The following GRIP1 variants were observed in gnomAD, a reference collection of about 807,000 sequenced individuals.
GRIP1 encodes the protein glutamate receptor-interacting protein 1.
A neutral mutation model predicts 129.9 loss-of-function variants in GRIP1; 45 were observed. That is an observed-to-expected ratio of 0.35 (90% CI 0.27 to 0.44). The LOEUF is 0.44. Among genes scored for constraint, GRIP1 ranks in the 20% least tolerant of loss-of-function variants. The pLI, the probability that GRIP1 is intolerant of heterozygous loss-of-function variation, is 1.00. For missense variants in GRIP1, 1,196 were observed against 1,396.8 expected (o/e 0.86, Z 2.29); for synonymous variants, 530 against 520.8 (o/e 1.02, Z -0.24).
chr12:67,054,173 C>A lies in GRIP1; in HGVS notation c.58+14877G>T, dbSNP rs183032888. 9.1e-4 allele frequency among the ~76,000 whole-genome samples: 139 copies of A among 152,272 alleles called. 1 individual carries two copies. The highest frequency in any genetic ancestry group is 6.8e-3 in the Middle Eastern group (2 of 294). On this transcript the variant is annotated intron_variant, in intron 1 of 1. Coordinates refer to the GRIP1 transcript ENST00000643019. ...AAGATGCTTAAAGCTCAAATGTAAA[C>A]CCTAAAAGCAATGGAAATCTTAAAA... is the stretch of plus-strand genomic sequence containing the variant.
intron 1 of GRIP1, among the ~76,000 whole-genome samples, chr12:66,754,211 T>C (rs1009981623): frequency 5.9e-5 from 9 of 152,224 alleles, no homozygotes; most frequent in African/African-American, 2.2e-4. Flanking sequence ...TGTATACATC[T>C]GGTATTCATT....
chr12:67,034,369 T>G (rs1440833473), intron 1 of GRIP1, among the ~76,000 whole-genome samples: 2 of 152,212 alleles, frequency 1.3e-5, no homozygotes, highest in Non-Finnish European at 1.5e-5. Context: ...AATGCATTGT[T>G]GTGCAAACAT....
chr12:66,790,781 T>C (rs778636700), intron 1 of GRIP1, among the ~76,000 whole-genome samples: 63 of 151,914 alleles, frequency 4.1e-4, no homozygotes, highest in East Asian at 5.8e-4. Flanking sequence ...GTTGGAAAGA[T>C]AGATCCAGAG....
At chr12:66,624,417 T>C (rs1002890658) in intron 1 of GRIP1, among the ~76,000 whole-genome samples, 5 of 152,242 alleles carry the variant, frequency 3.3e-5, no homozygotes, top group Admixed American at 2.0e-4. Context: ...AGAAAAAAAT[T>C]AGAAGTAAAG....
intron 1 of GRIP1, among the ~76,000 whole-genome samples, chr12:66,758,251 A>C (rs2037360392): frequency 6.6e-6 from 1 of 152,202 alleles, no homozygotes; most frequent in Admixed American, 6.5e-5. Flanking sequence ...CATTTCTTAC[A>C]TGGCAGCAGC....
In GRIP1 at chr12:66,449,935, T is replaced by C. The variant is rs115429936; in HGVS notation, c.1355-4427A>G. 3.0e-3 allele frequency among the ~76,000 whole-genome samples: 464 copies of C among 152,276 alleles called. 3 individuals carry two copies. Among genetic ancestry groups the C allele is most frequent in the African/African-American group, 0.011 (451 of 41,548 alleles). On this transcript the variant is annotated intron_variant, in intron 11 of 24. Coordinates refer to ENST00000359742, the MANE Select transcript of GRIP1 (RefSeq NM_001366722.1). The stretch of plus-strand genomic sequence containing the variant: ...ATTTGAGATCACAATTTGATACAGA[T>C]TATCGGACTACTTAATTGGAGTTAA...
intron 1 of GRIP1, among the ~76,000 whole-genome samples, chr12:66,780,136 A>G (rs183083437): frequency 2.0e-5 from 3 of 152,302 alleles, no homozygotes; most frequent in Admixed American, 2.0e-4. Context: ...TCAAAACCCT[A>G]AGGACAACAC....
intron 7 of GRIP1, among the ~76,000 whole-genome samples, chr12:66,471,304 C>T (rs1416591767): frequency 6.6e-6 from 1 of 152,146 alleles, no homozygotes; most frequent in Non-Finnish European, 1.5e-5. Context: ...AGTTTGACTC[C>T]ACTGCAAGCA....
At chr12:66,860,878 T>C (rs1473567252) in intron 1 of GRIP1, among the ~76,000 whole-genome samples, 1 of 152,052 alleles carries the variant, frequency 6.6e-6, no homozygotes, top group East Asian at 1.9e-4. Context: ...TTTCCTTACT[T>C]TCTGACTGCC....
chr12:67,050,209 A>G (rs918543573), intron 1 of GRIP1, among the ~76,000 whole-genome samples: 2 of 152,208 alleles, frequency 1.3e-5, no homozygotes, highest in Admixed American at 6.5e-5. Flanking sequence ...GTATAGAAAT[A>G]TTAAATCTTC....
At position 66,712,998 on chromosome 12, in the gene GRIP1, G is replaced by A. The variant is rs375789557; in HGVS notation, c.-419-82662C>T. ...AAATGGTGTCTAAAGCATGATGAGT[G>A]AACATGACATACTCAAAAAATTGAA... On this transcript the variant is annotated intron_variant, in intron 1 of 4. Transcript: ENST00000538373. Among the ~76,000 whole-genome samples, 10 of 152,058 alleles carry A rather than the reference G, an allele frequency of 6.6e-5. No individual in the cohort carries two copies. The East Asian group carries it at 1.6e-3, about 24-fold the overall frequency.
In GRIP1 at chr12:66,645,644, G is replaced by A. The variant is rs75233688; in HGVS notation, c.55+33206C>T. 3.5e-3 allele frequency among the ~76,000 whole-genome samples: 531 copies of A among 152,252 alleles called. 2 individuals are homozygous for A. Among genetic ancestry groups the A allele is most frequent in the African/African-American group, 0.012 (504 of 41,550 alleles). On this transcript the variant is annotated intron_variant, in intron 1 of 24. Coordinates refer to ENST00000359742, the MANE Select transcript of GRIP1 (RefSeq NM_001366722.1). ...ATCCATTGCTGGAAAAGTTTTGGAA[G>A]TATAAAATTAAGTGTAAAATTATAT...
intron 1 of GRIP1, among the ~76,000 whole-genome samples, chr12:66,636,078 TAAAAA>T (rs2031332484): frequency 6.6e-6 from 1 of 152,160 alleles, no homozygotes; most frequent in East Asian, 1.9e-4. Context: ...ATATTAGCCT[TAAAAA>T]AGGAAGAAAG....
chr12:66,478,185 AAGAC>A (rs2059682775), intron 7 of GRIP1, among the ~76,000 whole-genome samples: 1 of 152,200 alleles, frequency 6.6e-6, no homozygotes, highest in Admixed American at 6.5e-5. Context: ...TTACAAGAAA[AAGAC>A]AAACAACCCC....
intron 1 of GRIP1, among the ~76,000 whole-genome samples, chr12:66,880,551 A>C (rs1785902352): frequency 6.6e-6 from 1 of 152,136 alleles, no homozygotes; most frequent in African/African-American, 2.4e-5. Flanking sequence ...AGACAGAGTG[A>C]TGGACTCTTT....
At chr12:66,990,941 C>T (rs376767405) in intron 1 of GRIP1, among the ~76,000 whole-genome samples, 51 of 150,078 alleles carry the variant, frequency 3.4e-4, no homozygotes, top group East Asian at 1.6e-3. Flanking sequence ...AGCGCCATTA[C>T]GCTCCAGCCT....
At chr12:66,652,216 T>C (rs2032843946) in intron 1 of GRIP1, among the ~76,000 whole-genome samples, 1 of 152,120 alleles carries the variant, frequency 6.6e-6, no homozygotes, top group South Asian at 2.1e-4. Context: ...TCCCCACATG[T>C]CGAGGGAGGG....
intron 1 of GRIP1, among the ~76,000 whole-genome samples, chr12:66,908,001 A>T (rs894865354): frequency 6.6e-6 from 1 of 152,188 alleles, no homozygotes; most frequent in African/African-American, 2.4e-5. Flanking sequence ...AAGTGAAAAA[A>T]AATAATAAAG....
rs1409306272 is a variant in GRIP1 at position 66,516,973 on chromosome 12, G to C, written c.578+928C>G. Among the ~76,000 whole-genome samples the C allele has an allele frequency of 3.9e-5, 6 of 152,114 alleles. No homozygotes were observed. The South Asian group carries it at 1.0e-3, about 26-fold the overall frequency. On this transcript the variant is annotated intron_variant, in intron 6 of 24. Coordinates refer to ENST00000359742, the MANE Select transcript of GRIP1 (RefSeq NM_001366722.1). ...GTGGATACAAAGACCTCATGTAGAGGGTGGTTGTAAGGATAAAATAAGATA... is the reference window on the plus strand; with the variant it reads ...GTGGATACAAAGACCTCATGTAGAGCGTGGTTGTAAGGATAAAATAAGATA...
Sources: allele counts gnomAD v4.1 joint callset (sites outside exome capture counted in the v4.1 genomes callset), GRCh38; gene constraint gnomAD v4.1.1; transcripts MANE v1.5; gene names NCBI Gene and HGNC (gene_info 2026-07-23, HGNC 2026-07-21).